Variants in APOBR observed in about 807,000 individuals in gnomAD.
The protein encoded by APOBR is apolipoprotein B receptor.
Under a neutral mutation model 88.5 loss-of-function variants are expected in APOBR, and 57 were observed. The observed-to-expected ratio is 0.64, with a 90% CI of 0.52 to 0.80. The LOEUF is 0.80. Among genes scored for constraint, APOBR ranks in the 30% least tolerant of loss-of-function variants. The pLI is 0.00. For missense variants in APOBR, 1,443 were observed against 1,401.6 expected (o/e 1.03, Z -0.47); for synonymous variants, 588 against 572.7 (o/e 1.03, Z -0.38).
Position 28,497,116 on chromosome 16 carries a change from A to C in APOBR, c.2075A>C (p.Glu692Ala), listed in dbSNP as rs747014701. ...TTQDAGCGTE[E>A]GEASVSENQE... Reference sequence around the variant, plus strand: ...CAGGACGCGGGATGTGGAACTGAGGAGGGAGAGGCATCTGTCTCAGAGAAC... The same window carrying C: ...CAGGACGCGGGATGTGGAACTGAGGCGGGAGAGGCATCTGTCTCAGAGAAC... The change falls in exon 2 of 4, where the codon GAG becomes GCG. Residue 692 changes from glutamate (E) to alanine (A), a missense_variant. Transcript: ENST00000564831. 6.2e-7 allele frequency: 1 copy of C among 1,605,106 alleles called. No individual in the cohort carries two copies. The highest frequency in any genetic ancestry group is 1.1e-5 in the South Asian group (1 of 89,410).
chr16:28,496,570 C>T lies in APOBR; in HGVS notation c.1529C>T (p.Ser510Leu), dbSNP rs1300822432. 6.4e-7 allele frequency: 1 copy of T among 1,564,624 alleles called. No individual in the cohort carries two copies. The highest frequency in any genetic ancestry group is 1.9e-5 in the Admixed American group (1 of 53,344). Residue 510 changes from serine to leucine, a missense_variant, in exon 2 of 4, where the codon TCA becomes TTA. Ser to Leu is a moderately radical substitution (Grantham distance 145). Coordinates refer to ENST00000564831, the MANE Select transcript of APOBR (RefSeq NM_018690.4). ...AGGGATCCAGTGGCTGAGCTGCCCT[C>T]AGATGGAGAGGCTGAAGGCACTGCC... Reference protein sequence around the residue: ...SSRDPVAELPSDGEAEGTADL... With the variant: ...SSRDPVAELPLDGEAEGTADL...
In APOBR at chr16:28,495,856, C is replaced by T; in HGVS notation, c.815C>T (p.Pro272Leu). 1.2e-6 allele frequency: 2 copies of T among 1,610,204 alleles called. No individual in the cohort carries two copies. The highest frequency in any genetic ancestry group is 1.7e-6 in the Non-Finnish European group (2 of 1,178,394). ...AWGTWGPGAE[P>L]EDWGILGREE... ...GGGACGTGGGGCCCAGGGGCAGAGC[C>T]TGAGGACTGGGGAATCTTAGGCAGA... Residue 272 changes from proline to leucine, a missense_variant, in exon 2 of 4, where the codon CCT (proline) becomes CTT (leucine). Transcript: ENST00000564831.
chr16:28,498,192 T>C lies in APOBR; in HGVS notation c.3067T>C (p.Trp1023Arg), dbSNP rs2141734424. 6.2e-7 allele frequency: 1 copy of C among 1,604,706 alleles called. No individual in the cohort carries two copies. The change falls in exon 3 of 4, where the codon TGG becomes CGG. Residue 1023 changes from tryptophan to arginine, a missense_variant. Coordinates refer to ENST00000564831, the MANE Select transcript of APOBR (RefSeq NM_018690.4). ...GCCCTCTTTTCGTCGGACTCCGGCCTGGGAGCAGCAGGAGGAGCCCCCAGC... is the reference window on the plus strand; with the variant it reads ...GCCCTCTTTTCGTCGGACTCCGGCCCGGGAGCAGCAGGAGGAGCCCCCAGC... ...SRPSFRRTPA[W>R]EQQEEPPAPN... is the part of the protein sequence containing the mutation.
At position 28,498,353 on chromosome 16, in the gene APOBR, G is replaced by A; in HGVS notation, c.3224+4G>A. The A allele has an allele frequency of 1.9e-6, 3 of 1,595,972 alleles. No homozygotes were observed. The highest frequency in any genetic ancestry group is 1.1e-5 in the South Asian group (1 of 89,020). ...GGAGAAGGCCCCTGGGACACGGGTA[G>A]GCACAGGGCAACTCAGCTGGGGTGG... On this transcript the variant is annotated splice_donor_region_variant and intron_variant, in intron 3 of 3. Transcript: ENST00000564831.
Position 28,497,197 on chromosome 16 carries a change from A to G in APOBR, c.2156A>G (p.Glu719Gly). 6.3e-7 allele frequency: 1 copy of G among 1,597,998 alleles called. No homozygotes were observed. The highest frequency in any genetic ancestry group is 8.5e-7 in the Non-Finnish European group (1 of 1,172,892). Reference protein sequence around the residue: ...ADAGPCPSLGEAYARETEDEE... With the variant: ...ADAGPCPSLGGAYARETEDEE... ...GCAGGGCCTTGCCCGTCACTGGGAG[A>G]GGCCTATGCCAGAGAAACTGAGGAT... The change falls in exon 2 of 4, where the codon GAG (glutamate) becomes GGG (glycine). Residue 719 changes from glutamate (E) to glycine (G), a missense_variant. Transcript: ENST00000564831.
rs373551164 is a variant in APOBR, at chr16:28,494,648, C to T, written c.-34C>T. On this transcript the variant is annotated 5_prime_UTR_variant, in exon 1 of 4. Transcript: ENST00000564831. ...CTTGGTGGGTGGGGACGGTCATTATCAGCTTTCTGGACACACAGACAGAGA... is the reference window on the plus strand; with the variant it reads ...CTTGGTGGGTGGGGACGGTCATTATTAGCTTTCTGGACACACAGACAGAGA... 5 of 1,596,714 alleles carry T rather than the reference C, an allele frequency of 3.1e-6. No homozygotes were observed. Among genetic ancestry groups the T allele is most frequent in the African/African-American group, 1.3e-5 (1 of 74,352 alleles).
At chr16:28,498,028 C>G (rs758517378) in intron 2 of APOBR, 32 bp downstream of exon 2, 10 of 1,552,382 alleles carry the variant, frequency 6.4e-6, no homozygotes, top group Non-Finnish European at 7.8e-6. Context: ...TCGGGGGGAA[C>G]GAGTGGAATC....
chr16:28,498,317 G>C lies in APOBR; in HGVS notation c.3192G>C (p.Pro1064=), dbSNP rs746522290. Residue 1064 remains proline (P), a synonymous_variant, in exon 3 of 4, where the codon CCG becomes CCC. Transcript: ENST00000564831. ...GCCCTCTGAGGCATGATGGGACCCC[G>C]GTGCCAGCCAGGAGAAGGCCCCTGG... ...EPSPLRHDGT[P]VPARRRPLGH... 6.3e-7 allele frequency: 1 copy of C among 1,598,962 alleles called. No homozygotes were observed. Among genetic ancestry groups the C allele is most frequent in the African/African-American group, 1.3e-5 (1 of 74,552 alleles).
rs1481439201 is a variant in APOBR, at chr16:28,495,603, A to G, written c.562A>G (p.Arg188Gly). Reference protein sequence around the residue: ...QEEEEEEVRAREPGMARGAES... With the variant: ...QEEEEEEVRAGEPGMARGAES... ...GGAGGAGGAGGAAGAGGTCAGGGCA[A>G]GAGAGCCAGGGATGGCCAGAGGGGC... The change falls in exon 2 of 4, where the codon AGA becomes GGA. Residue 188 changes from arginine to glycine, a missense_variant. Physicochemically the swap from Arg to Gly is moderately radical, Grantham distance 125 (BLOSUM62 -2). Coordinates refer to ENST00000564831, the MANE Select transcript of APOBR (RefSeq NM_018690.4). 1.3e-6 allele frequency: 2 copies of G among 1,561,540 alleles called. No individual in the cohort carries two copies. Among genetic ancestry groups the G allele is most frequent in the Non-Finnish European group, 8.7e-7 (1 of 1,152,624 alleles).
At position 28,496,471 on chromosome 16, in the gene APOBR, G is replaced by A. The variant is rs1441456225; in HGVS notation, c.1430G>A (p.Gly477Glu). 2 of 1,609,410 alleles carry A rather than the reference G, an allele frequency of 1.2e-6. No homozygotes were observed. The highest frequency in any genetic ancestry group is 1.7e-6 in the Non-Finnish European group (2 of 1,177,826). The change falls in exon 2 of 4, where the codon GGG becomes GAG. Residue 477 changes from glycine (G) to glutamate (E), a missense_variant. By Grantham distance (98) the Gly-to-Glu change is moderately conservative. Coordinates refer to ENST00000564831, the MANE Select transcript of APOBR (RefSeq NM_018690.4). ...GKEAEMRQDLGIRADRARMEE... is the reference protein window; with the variant it reads ...GKEAEMRQDLEIRADRARMEE... ...GAGGCTGAGATGAGGCAGGACTTGG[G>A]GATCAGGGCCGACCGGGCCAGGATG...
chr16:28,498,080 G>T lies in APOBR; in HGVS notation c.2956-1G>T. 6.5e-7 allele frequency: 1 copy of T among 1,544,874 alleles called. No homozygotes were observed. The highest frequency in any genetic ancestry group is 8.7e-7 in the Non-Finnish European group (1 of 1,151,746). ...GGTCCTCTGTGCCCCCTTTCCTGCA[G>T]GCCCCGCTCCCCGGGTCCCTCCTAG... On this transcript the variant is annotated splice_acceptor_variant, in intron 2 of 3. Transcript: ENST00000564831. LOFTEE classifies it high-confidence loss of function.
chr16:28,495,949 C>G lies in APOBR; in HGVS notation c.908C>G (p.Thr303Arg), dbSNP rs754261235. The change falls in exon 2 of 4, where the codon ACA becomes AGA. Residue 303 changes from threonine (T) to arginine (R), a missense_variant. Coordinates refer to ENST00000564831, the MANE Select transcript of APOBR (RefSeq NM_018690.4). ...ATTTTAGATGGGGAGGAAGCCAGGA[C>G]AATCTCAGGCGGGGAGGAGGCTGAG... is the stretch of plus-strand genomic sequence containing the variant. ...RAILDGEEAR[T>R]ISGGEEAETA... 26 of 1,612,832 alleles carry G rather than the reference C, an allele frequency of 1.6e-5. 1 individual carries two copies. The highest frequency in any genetic ancestry group is 2.0e-5 in the Non-Finnish European group (24 of 1,179,640).
rs2046390334 is a variant in APOBR, at chr16:28,496,099, AGGCCGGGACAGCCTCAGGAGGGGAGG to A, written c.1059_1084del (p.Ala354GlyfsTer20). ...GCTGGGACAGCCTCAGGAGGGGAGG[AGGCCGGGACAGCCTCAGGAGGGGAGG>A]AGGCCGGGACAGCCTCAGGAGGGGA... is the stretch of plus-strand genomic sequence containing the variant. On this transcript the variant is annotated frameshift_variant, in exon 2 of 4. Coordinates refer to ENST00000564831, the MANE Select transcript of APOBR (RefSeq NM_018690.4). LOFTEE classifies it high-confidence loss of function. 1.3e-6 allele frequency: 1 copy of A among 747,830 alleles called. No individual in the cohort carries two copies. Among genetic ancestry groups the A allele is most frequent in the Non-Finnish European group, 1.9e-6 (1 of 540,306 alleles). The allele number at this position is 747,830 out of a possible 1,614,324, so 46.3% of individuals were successfully genotyped here.
rs1273852885 is a variant in APOBR at position 28,496,531 on chromosome 16, A to C, written c.1490A>C (p.Glu497Ala). The C allele has an allele frequency of 1.9e-6, 3 of 1,575,362 alleles. No homozygotes were observed. The highest frequency in any genetic ancestry group is 2.6e-6 in the Non-Finnish European group (3 of 1,160,874). Reference sequence around the variant, plus strand: ...GTACAGGCAGAGGAGGCCCAGGAGGAGAGAGGGAGCAGCAGGGATCCAGTG... The same window carrying C: ...GTACAGGCAGAGGAGGCCCAGGAGGCGAGAGGGAGCAGCAGGGATCCAGTG... ...ELVQAEEAQE[E>A]RGSSRDPVAE... The change falls in exon 2 of 4, where the codon GAG (glutamate) becomes GCG (alanine). Residue 497 changes from glutamate to alanine, a missense_variant. Physicochemically the swap from Glu to Ala is moderately radical, Grantham distance 107 (BLOSUM62 -1). Transcript: ENST00000564831.
At position 28,497,946 on chromosome 16, in the gene APOBR, G is replaced by C. The variant is rs1298775844; in HGVS notation, c.2905G>C (p.Ala969Pro). The C allele has an allele frequency of 6.2e-7, 1 of 1,612,782 alleles. No homozygotes were observed. The highest frequency in any genetic ancestry group is 8.5e-7 in the Non-Finnish European group (1 of 1,179,528). The change falls in exon 2 of 4, where the codon GCT becomes CCT. Residue 969 changes from alanine (A) to proline (P), a missense_variant. Coordinates refer to ENST00000564831, the MANE Select transcript of APOBR (RefSeq NM_018690.4). ...GGAGTCAGTCGGGGAAGCCGAGACG[G>C]CTGAGGCCATGGGCAGTGCCAGAGG... Reference protein sequence around the residue: ...APESVGEAETAEAMGSARGGA... With the variant: ...APESVGEAETPEAMGSARGGA...
At position 28,496,712 on chromosome 16, in the gene APOBR, C is replaced by A. The variant is rs751986486; in HGVS notation, c.1671C>A (p.Ser557Arg). ...LGVEWGGLTHSVTKGQGPELM... is the reference protein window; with the variant it reads ...LGVEWGGLTHRVTKGQGPELM... The stretch of plus-strand genomic sequence containing the variant: ...TGGAATGGGGTGGCCTCACACACAG[C>A]GTCACCAAAGGCCAAGGACCTGAGC... Residue 557 changes from serine (S) to arginine (R), a missense_variant, in exon 2 of 4, where the codon AGC (serine) becomes AGA (arginine). Physicochemically the swap from Ser to Arg is moderately radical, Grantham distance 110. Transcript: ENST00000564831. 2 of 1,601,200 alleles carry A rather than the reference C, an allele frequency of 1.2e-6. No homozygotes were observed. The highest frequency in any genetic ancestry group is 1.7e-5 in the Admixed American group (1 of 57,490).
chr16:28,495,384 A>T lies in APOBR; in HGVS notation c.343A>T (p.Arg115Trp), dbSNP rs1265207692. ...CAGCTCCCATGGGTCCCAAGCAGAG[A>T]GGCAGGACAGTGGGGCTGGGGAGAC... Reference protein sequence around the residue: ...DGSSHGSQAERQDSGAGETAK... With the variant: ...DGSSHGSQAEWQDSGAGETAK... The change falls in exon 2 of 4, where the codon AGG becomes TGG. Residue 115 changes from arginine (R) to tryptophan (W), a missense_variant. Physicochemically the swap from Arg to Trp is moderately radical, Grantham distance 101. Coordinates refer to ENST00000564831, the MANE Select transcript of APOBR (RefSeq NM_018690.4). 1 of 1,563,172 alleles carries T rather than the reference A, an allele frequency of 6.4e-7. No individual in the cohort carries two copies. The highest frequency in any genetic ancestry group is 8.7e-7 in the Non-Finnish European group (1 of 1,154,314).
Position 28,498,645 on chromosome 16 carries a change from T to C in APOBR, c.*140T>C, listed in dbSNP as rs553609143. ...CCTCAGTGTCTTGATGTATCATTCA[T>C]GGAGCAGGCAAAACCAGACGTCTGG... On this transcript the variant is annotated 3_prime_UTR_variant, in exon 4 of 4. Coordinates refer to ENST00000564831, the MANE Select transcript of APOBR (RefSeq NM_018690.4). 2.2e-5 allele frequency: 22 copies of C among 999,036 alleles called. No homozygotes were observed. The South Asian group carries it at 3.3e-4, about 15-fold the overall frequency. 61.9% of individuals were successfully genotyped at this position (999,036 alleles called of 1,614,324 possible).
At position 28,497,098 on chromosome 16, in the gene APOBR, C is replaced by A. The variant is rs779045580; in HGVS notation, c.2057C>A (p.Ala686Glu). Residue 686 changes from alanine to glutamate, a missense_variant, in exon 2 of 4, where the codon GCG (alanine) becomes GAG (glutamate). Physicochemically the swap from Ala to Glu is moderately radical, Grantham distance 107. Coordinates refer to ENST00000564831, the MANE Select transcript of APOBR (RefSeq NM_018690.4). ...AGGEGLTTQD[A>E]GCGTEEGEAS... ...GGGGAGGGGCTGACAACCCAGGACG[C>A]GGGATGTGGAACTGAGGAGGGAGAG... is the stretch of plus-strand genomic sequence containing the variant. The A allele has an allele frequency of 6.2e-7, 1 of 1,600,376 alleles. No homozygotes were observed. Among genetic ancestry groups the A allele is most frequent in the East Asian group, 2.2e-5 (1 of 44,480 alleles).
Sources: allele counts gnomAD v4.1 joint callset, GRCh38; gene constraint gnomAD v4.1.1; transcripts MANE v1.5; gene names NCBI Gene and HGNC (gene_info 2026-07-23, HGNC 2026-07-21).